Variants in SBNO1 observed in about 807,000 individuals in gnomAD.
SBNO1 encodes the protein strawberry notch homolog 1, also known as protein strawberry notch homolog 1.
In SBNO1, 23 loss-of-function variants were observed where a neutral mutation model predicts 173.6. The ratio of observed to expected loss-of-function variants is 0.13; its 90% CI spans 0.10 to 0.19. The LOEUF (loss-of-function observed/expected upper bound fraction) is 0.19. Ranked by LOEUF, SBNO1 falls within the 10% of genes least tolerant of loss-of-function variation. The pLI is 1.00. For synonymous variants in SBNO1, 632 were observed against 571.5 expected (o/e 1.11, Z -1.51); for missense variants, 1,238 against 1,671.2 (o/e 0.74, Z 4.52).
chr12:123,361,378 G>A (rs1322170862), intron 1 of SBNO1, among the ~76,000 whole-genome samples: 3 of 151,532 alleles, frequency 2.0e-5, no homozygotes, highest in African/African-American at 4.9e-5. Context: ...CAGAAACCCC[G>A]TCTCTACTAA....
chr12:123,309,729 T>G lies in SBNO1; in HGVS notation c.3423A>C (p.Arg1141Ser), dbSNP rs1235535974. 1 of 1,612,122 alleles carries G rather than the reference T, an allele frequency of 6.2e-7. No individual in the cohort carries two copies. The highest frequency in any genetic ancestry group is 1.7e-5 in the Admixed American group (1 of 59,608). Residue 1141 changes from arginine (R) to serine (S), a missense_variant, in exon 26 of 32, where the codon AGA (arginine) becomes AGC (serine). Arg to Ser is a moderately radical substitution (Grantham distance 110). Transcript: ENST00000602398. ...ACTTACCTAAGATTCCCATATCATATCTTCCATTTTTTTTGGCATTTTGAA... is the reference window on the plus strand; with the variant it reads ...ACTTACCTAAGATTCCCATATCATAGCTTCCATTTTTTTTGGCATTTTGAA... Reference protein sequence around the residue: ...AVVQNAKKNGRYDMGILDLGS... With the variant: ...AVVQNAKKNGSYDMGILDLGS...
chr12:123,355,438 C>T (rs1242189382), intron 1 of SBNO1, among the ~76,000 whole-genome samples: 1 of 152,042 alleles, frequency 6.6e-6, no homozygotes, highest in Non-Finnish European at 1.5e-5. Flanking sequence ...AAACCGTCTC[C>T]TCTAAAAATA....
intron 7 of SBNO1, among the ~76,000 whole-genome samples, chr12:123,332,606 G>A (rs1271258769): frequency 3.3e-5 from 5 of 151,460 alleles, no homozygotes; most frequent in South Asian, 2.1e-4. Context: ...TCACTCTGTC[G>A]TCCAGGCTGG....
rs775796219 is a variant in SBNO1, at chr12:123,294,654, AAAAAAAAGAAAAAAAG to A, written c.*1238_*1253del. 1 of 154,216 alleles carries A rather than the reference AAAAAAAAGAAAAAAAG, an allele frequency of 6.5e-6. No individual in the cohort carries two copies. The highest frequency in any genetic ancestry group is 1.3e-5 in the Non-Finnish European group (1 of 79,190). 9.6% of individuals were successfully genotyped at this position (154,216 alleles called of 1,614,324 possible). ...GGAAGCAAAAAAAAAAAAAAAAAAA[AAAAAAAAGAAAAAAAG>A]AAAAGAAAGAAAAAGAAAGAAAAGA... On this transcript the variant is annotated 3_prime_UTR_variant, in exon 32 of 32. Coordinates refer to ENST00000602398, the MANE Select transcript of SBNO1 (RefSeq NM_001167856.3).
chr12:123,318,452 G>A (rs750704197), intron 20 of SBNO1, among the ~76,000 whole-genome samples: 2 of 151,720 alleles, frequency 1.3e-5, no homozygotes, highest in Non-Finnish European at 2.9e-5. Flanking sequence ...AGAGTCTCTG[G>A]GCCAGCACAG....
At chr12:123,349,953 C>T (rs781668276) in intron 2 of SBNO1, among the ~76,000 whole-genome samples, 1 of 151,684 alleles carries the variant, frequency 6.6e-6, no homozygotes, top group Non-Finnish European at 1.5e-5. Flanking sequence ...AAAATTAAGG[C>T]TTCACATGTA....
intron 28 of SBNO1, among the ~76,000 whole-genome samples, chr12:123,307,947 C>G (rs191673466): frequency 2.9e-4 from 44 of 152,244 alleles, no homozygotes; most frequent in African/African-American, 9.9e-4. Flanking sequence ...TGGTGCGTGC[C>G]TGTAGTCCCA....
intron 24 of SBNO1, among the ~76,000 whole-genome samples, chr12:123,311,712 C>CTATATATA (rs1468911576): frequency 1.4e-5 from 1 of 69,082 alleles, no homozygotes; most frequent in African/African-American, 5.6e-5. Context: ...ATCTATCTAT[C>CTATATATA]TATCTATCTA....
At chr12:123,319,770 T>A in intron 20 of SBNO1, 130 bp downstream of exon 20, 1 of 762,364 alleles carries the variant, frequency 1.3e-6, no homozygotes, top group Non-Finnish European at 2.1e-6. Flanking sequence ...TATGTACAAT[T>A]ACTAAAAAAT....
chr12:123,309,686 G>T lies in SBNO1; in HGVS notation c.3442+24C>A, dbSNP rs751320745. The T allele has an allele frequency of 6.8e-6, 11 of 1,608,140 alleles. No individual in the cohort carries two copies. The East Asian group carries it at 8.9e-5, about 13-fold the overall frequency. On this transcript the variant is annotated intron_variant, in intron 26 of 31. Coordinates refer to ENST00000602398, the MANE Select transcript of SBNO1 (RefSeq NM_001167856.3). Reference sequence around the variant, plus strand: ...TCCACATTTTCCCTGGGGACATTGTGGGGGGGAAATTTTCCCTACTTACCT... The same window carrying T: ...TCCACATTTTCCCTGGGGACATTGTTGGGGGGAAATTTTCCCTACTTACCT...
chr12:123,353,593 T>C (rs1182864974), intron 1 of SBNO1, among the ~76,000 whole-genome samples: 1 of 152,202 alleles, frequency 6.6e-6, no homozygotes, highest in African/African-American at 2.4e-5. Context: ...GTTTGCCTGA[T>C]GACTTTTGAT....
chr12:123,325,740 T>C (rs1870538068), intron 14 of SBNO1, 141 bp from the exon 15 acceptor site: 1 of 681,144 alleles, frequency 1.5e-6, no homozygotes, highest in Admixed American at 2.5e-5. Flanking sequence ...GTTTTACTTA[T>C]TTCTTCTACA....
At chr12:123,342,495 A>G (rs1872687227) in intron 4 of SBNO1, among the ~76,000 whole-genome samples, 1 of 152,172 alleles carries the variant, frequency 6.6e-6, no homozygotes, top group Non-Finnish European at 1.5e-5. Flanking sequence ...TATCACCCAA[A>G]CAGAATCAAT....
rs560049012 is a variant in SBNO1, at chr12:123,347,435, C to T, written c.237+594G>A. On this transcript the variant is annotated intron_variant, in intron 3 of 31. Transcript: ENST00000602398. ...TAGAGACGGGGTTTCACCATGTTAACCAGGATGGTCTCGATCTCCTGACCT... is the reference window on the plus strand; with the variant it reads ...TAGAGACGGGGTTTCACCATGTTAATCAGGATGGTCTCGATCTCCTGACCT... Among the ~76,000 whole-genome samples the T allele has an allele frequency of 1.1e-4, 16 of 151,862 alleles. No homozygotes were observed. In the South Asian group the frequency reaches 2.9e-3, roughly 28 times the overall value.
intron 4 of SBNO1, 115 bp downstream of exon 4, chr12:123,345,143 G>A (rs1171520234): frequency 1.2e-6 from 1 of 834,346 alleles, no homozygotes; most frequent in Non-Finnish European, 1.9e-6. Flanking sequence ...GCAAAATAAT[G>A]CATATAACAC....
In SBNO1 at chr12:123,332,615, G is replaced by A. The variant is rs573051435; in HGVS notation, c.910-1240C>T. Among the ~76,000 whole-genome samples, 8 of 149,580 alleles carry A rather than the reference G, an allele frequency of 5.3e-5. No homozygotes were observed. The East Asian group carries it at 1.4e-3, about 26-fold the overall frequency. On this transcript the variant is annotated intron_variant, in intron 7 of 31. Coordinates refer to ENST00000602398, the MANE Select transcript of SBNO1 (RefSeq NM_001167856.3). ...AGAGTCTCACTCTGTCGTCCAGGCT[G>A]GAGTGCAGTGGCACAATCTCAGCTC...
chr12:123,314,763 G>A (rs970617117), intron 23 of SBNO1, among the ~76,000 whole-genome samples: 1 of 152,210 alleles, frequency 6.6e-6, no homozygotes, highest in African/African-American at 2.4e-5. Context: ...ATGCCACCAC[G>A]CCCATCTAAT....
At chr12:123,346,209 A>G (rs1873114759) in intron 3 of SBNO1, among the ~76,000 whole-genome samples, 2 of 152,112 alleles carry the variant, frequency 1.3e-5, no homozygotes, top group Non-Finnish European at 2.9e-5. Flanking sequence ...TGATTTTAAG[A>G]CCAGCCTTGG....
rs752301938 is a variant in SBNO1, at chr12:123,327,525, G to A, written c.1593C>T (p.Tyr531=). The change falls in exon 13 of 32, where the codon TAC becomes TAT. Residue 531 remains tyrosine (Y), a synonymous_variant. Coordinates refer to ENST00000602398, the MANE Select transcript of SBNO1 (RefSeq NM_001167856.3). The part of the protein sequence containing the change: ...VAMDMKLRGM[Y]IARQLSFTGV... Reference sequence around the variant, plus strand: ...CAGTAAAGCTCAGTTGTCGAGCAATGTACATTCCTCTAAGCTTCATATCCA... The same window carrying A: ...CAGTAAAGCTCAGTTGTCGAGCAATATACATTCCTCTAAGCTTCATATCCA... 6 of 1,613,774 alleles carry A rather than the reference G, an allele frequency of 3.7e-6. No homozygotes were observed. The highest frequency in any genetic ancestry group is 5.1e-6 in the Non-Finnish European group (6 of 1,179,756).
Sources: allele counts gnomAD v4.1 joint callset (sites outside exome capture counted in the v4.1 genomes callset), GRCh38; gene constraint gnomAD v4.1.1; transcripts MANE v1.5; gene names NCBI Gene and HGNC (gene_info 2026-07-23, HGNC 2026-07-21).